The following MMAB variants were observed in gnomAD, a reference collection of about 807,000 sequenced individuals.
MMAB encodes the protein metabolism of cobalamin associated B.
MMAB carries 17 observed loss-of-function variants against 30.6 expected under a neutral mutation model. The ratio of observed to expected loss-of-function variants is 0.56; its 90% CI spans 0.38 to 0.83. The LOEUF is 0.83. Ranked by LOEUF, MMAB falls within the 40% of genes least tolerant of loss-of-function variation. The pLI, the probability that MMAB is intolerant of heterozygous loss-of-function variation, is 0.00. For missense variants in MMAB, 311 were observed against 331.6 expected (o/e 0.94, Z 0.48); for synonymous variants, 134 against 138.6 (o/e 0.97, Z 0.23).
chr12:109,564,346 A>G (rs945388806), intron 4 of MMAB, among the ~76,000 whole-genome samples: 2 of 145,972 alleles, frequency 1.4e-5, no homozygotes, highest in Non-Finnish European at 3.0e-5. Context: ...AAGGAAGATT[A>G]TATGTCTCCA....
At chr12:109,572,627 C>T (rs1253424304) in intron 1 of MMAB, among the ~76,000 whole-genome samples, 1 of 151,906 alleles carries the variant, frequency 6.6e-6, no homozygotes, top group Non-Finnish European at 1.5e-5. Context: ...ATGATCATAG[C>T]TCACTGCAGC....
rs746823302 is a variant in MMAB, at chr12:109,555,275, GTTTTTTTTTTTT to G, written c.*1741_*1752del. 565 of 343,226 alleles carry G rather than the reference GTTTTTTTTTTTT, an allele frequency of 1.6e-3. 7 individuals carry two copies. The highest frequency in any genetic ancestry group is 0.011 in the African/African-American group (303 of 26,886). 21.3% of individuals were successfully genotyped at this position (343,226 alleles called of 1,614,324 possible). On this transcript the variant is annotated 3_prime_UTR_variant, in exon 9 of 9. Coordinates refer to ENST00000545712, the MANE Select transcript of MMAB (RefSeq NM_052845.4). ...GAGCCTTAGTGATTGCGTTTTCAGG[GTTTTTTTTTTTT>G]TTTTTTTTTTTTTGTGACGGAGTCT...
At position 109,573,373 on chromosome 12, in the gene MMAB, G is replaced by T; in HGVS notation, c.108C>A (p.Gly36=). ...TGTCCCCGTCTTCCACGCCCTGAGG[G>T]CCGCGGCTCTGGAAACGGGGATACA... is the stretch of plus-strand genomic sequence containing the variant. The part of the protein sequence containing the change: ...RLLYPRFQSR[G]PQGVEDGDRP... The change falls in exon 1 of 9, where the codon GGC becomes GGA. Residue 36 remains glycine (G), a synonymous_variant. Transcript: ENST00000545712. 6.2e-7 allele frequency: 1 copy of T among 1,613,012 alleles called. No homozygotes were observed. The highest frequency in any genetic ancestry group is 8.5e-7 in the Non-Finnish European group (1 of 1,179,876).
chr12:109,561,391 GC>G lies in MMAB; in HGVS notation c.519+28del. On this transcript the variant is annotated intron_variant, in intron 6 of 8. Transcript: ENST00000545712. This position sits in a 1 kb window ranked among gnomAD's most constrained non-coding sequence, Gnocchi z 5.3. ...TCTGTCACTGAACCTGCCTGCAGCC[GC>G]CCCCGGTTAAGCCTGCCCAGTACCT... 6.5e-7 allele frequency: 1 copy of G among 1,546,592 alleles called. No homozygotes were observed.
intron 2 of MMAB, among the ~76,000 whole-genome samples, chr12:109,571,094 G>A (rs1884614055): frequency 6.6e-6 from 1 of 152,086 alleles, no homozygotes; most frequent in African/African-American, 2.4e-5. Context: ...TAACCTTTCA[G>A]ACTATTCTAC....
intron 7 of MMAB, 132 bp downstream of exon 7, chr12:109,560,908 C>T: frequency 1.1e-6 from 1 of 910,750 alleles, no homozygotes; most frequent in Non-Finnish European, 1.7e-6. Context: ...CCCTGCTGTA[C>T]CTGCCTCCTG....
rs766039550 is a variant in MMAB at position 109,557,142 on chromosome 12, G to A, written c.645-6C>T. On this transcript the variant is annotated splice_polypyrimidine_tract_variant and splice_region_variant and intron_variant, in intron 8 of 8. Coordinates refer to ENST00000545712, the MANE Select transcript of MMAB (RefSeq NM_052845.4). ...TGAAGAGATAGTCACTGAGTCTGGAGGGGCAGAGAGAGAGAAGCAAACAGA... is the reference window on the plus strand; with the variant it reads ...TGAAGAGATAGTCACTGAGTCTGGAAGGGCAGAGAGAGAGAAGCAAACAGA... 2.0e-5 allele frequency: 31 copies of A among 1,585,734 alleles called. No individual in the cohort carries two copies. Among genetic ancestry groups the A allele is most frequent in the Non-Finnish European group, 2.6e-5 (30 of 1,154,332 alleles).
chr12:109,566,315 G>A (rs761821616), intron 3 of MMAB, among the ~76,000 whole-genome samples: 10 of 152,210 alleles, frequency 6.6e-5, no homozygotes, highest in Non-Finnish European at 1.5e-4. Context: ...ATAAAGAGAA[G>A]GTGAAGAGAA....
chr12:109,564,389 T>G (rs1566134372), intron 4 of MMAB, among the ~76,000 whole-genome samples: 3 of 151,040 alleles, frequency 2.0e-5, no homozygotes, highest in Admixed American at 2.0e-4. Flanking sequence ...GTTTTTTTTT[T>G]TTTTTTTTTT....
Position 109,556,923 on chromosome 12 carries a change from C to T in MMAB, c.*105G>A. 1.3e-6 allele frequency: 1 copy of T among 762,024 alleles called. No homozygotes were observed. The highest frequency in any genetic ancestry group is 2.3e-6 in the Non-Finnish European group (1 of 429,212). 47.2% of individuals were successfully genotyped at this position (762,024 alleles called of 1,614,324 possible). A position where few individuals can be genotyped will look rare whatever the true frequency, so the allele number is the denominator to read the frequency against. Reference sequence around the variant, plus strand: ...AGCTGGGACAAAAGGCTGCTTTGAGCCTCTCTGGGTGAGCTCTTCAGGAAC... The same window carrying T: ...AGCTGGGACAAAAGGCTGCTTTGAGTCTCTCTGGGTGAGCTCTTCAGGAAC... On this transcript the variant is annotated 3_prime_UTR_variant, in exon 9 of 9. Coordinates refer to ENST00000545712, the MANE Select transcript of MMAB (RefSeq NM_052845.4).
Position 109,555,248 on chromosome 12 carries a change from C to T in MMAB, c.*1780G>A, listed in dbSNP as rs1008275207. 1.6e-5 allele frequency: 7 copies of T among 447,054 alleles called. No individual in the cohort carries two copies. Among genetic ancestry groups the T allele is most frequent in the African/African-American group, 1.3e-4 (6 of 47,148 alleles). 27.7% of individuals were successfully genotyped at this position (447,054 alleles called of 1,614,324 possible). A position where few individuals can be genotyped will look rare whatever the true frequency, so the allele number is the denominator to read the frequency against. ...CAAGCTCTTTGAACATACTCCCTGA[C>T]CGAGCCTTAGTGATTGCGTTTTCAG... On this transcript the variant is annotated 3_prime_UTR_variant, in exon 9 of 9. Coordinates refer to ENST00000545712, the MANE Select transcript of MMAB (RefSeq NM_052845.4).
chr12:109,573,339 C>T lies in MMAB; in HGVS notation c.134+8G>A. ...GTGTTCGAGTTGCCCTTCCCGCCAG[C>T]CACTCACCTGTCCCCGTCTTCCACG... is the stretch of plus-strand genomic sequence containing the variant. On this transcript the variant is annotated splice_region_variant and intron_variant, in intron 1 of 8. Transcript: ENST00000545712. 1 of 1,613,238 alleles carries T rather than the reference C, an allele frequency of 6.2e-7. No homozygotes were observed. The highest frequency in any genetic ancestry group is 8.5e-7 in the Non-Finnish European group (1 of 1,179,822).
Position 109,569,183 on chromosome 12 carries a change from G to A in MMAB, c.197-320C>T, listed in dbSNP as rs1162490517. Among the ~76,000 whole-genome samples the A allele has an allele frequency of 1.3e-5, 2 of 152,212 alleles. No homozygotes were observed. Among genetic ancestry groups the A allele is most frequent in the African/African-American group, 4.8e-5 (2 of 41,524 alleles). On this transcript the variant is annotated intron_variant, in intron 2 of 8. Coordinates refer to ENST00000545712, the MANE Select transcript of MMAB (RefSeq NM_052845.4). The surrounding 1 kb of genome is among the most constrained non-coding windows in gnomAD (Gnocchi z 4.1). ...GCTAGTCTTGAACTCCTGGTCTCAA[G>A]TGATTCACCCGCCTCAGCCTCCCAA...
At position 109,561,093 on chromosome 12, in the gene MMAB, C is replaced by G. The variant is rs1215242595; in HGVS notation, c.531G>C (p.Lys177Asn). 1 of 1,610,600 alleles carries G rather than the reference C, an allele frequency of 6.2e-7. No homozygotes were observed. The highest frequency in any genetic ancestry group is 1.3e-5 in the African/African-American group (1 of 74,884). ...GGCAGAAATGCAGCGCCGAGCTGAT[C>G]TTGCCTCCCGACTGAAAGGAGAAAG... Reference protein sequence around the residue: ...LTAFILPSGGKISSALHFCRA... With the variant: ...LTAFILPSGGNISSALHFCRA... Residue 177 changes from lysine to asparagine, a missense_variant, in exon 7 of 9, where the codon AAG (lysine) becomes AAC (asparagine). Lys to Asn is a moderately conservative substitution (Grantham distance 94, BLOSUM62 0). Coordinates refer to ENST00000545712, the MANE Select transcript of MMAB (RefSeq NM_052845.4). The surrounding 1 kb of genome is among the most constrained non-coding windows in gnomAD (Gnocchi z 5.3).
rs981525637 is a variant in MMAB, at chr12:109,558,109, C to G, written c.645-973G>C. ...TGAGTCCTCCCCTGACTCAGGCCCC[C>G]TGGGCCCCACGGCTGGCTCTCAGGA... On this transcript the variant is annotated intron_variant, in intron 8 of 8. Coordinates refer to ENST00000545712, the MANE Select transcript of MMAB (RefSeq NM_052845.4). The surrounding 1 kb of genome is among the most constrained non-coding windows in gnomAD (Gnocchi z 4.3). Among the ~76,000 whole-genome samples the G allele has an allele frequency of 2.4e-4, 36 of 152,218 alleles. No homozygotes were observed. Among genetic ancestry groups the G allele is most frequent in the African/African-American group, 7.7e-4 (32 of 41,452 alleles).
chr12:109,572,065 T>C (rs1047563699), intron 1 of MMAB, among the ~76,000 whole-genome samples: 7 of 152,304 alleles, frequency 4.6e-5, no homozygotes, highest in African/African-American at 1.7e-4. Flanking sequence ...CTGGAATCTT[T>C]CCACAACCCC....
At position 109,555,592 on chromosome 12, in the gene MMAB, C is replaced by T; in HGVS notation, c.*1436G>A. On this transcript the variant is annotated 3_prime_UTR_variant, in exon 9 of 9. Transcript: ENST00000545712. Reference sequence around the variant, plus strand: ...AGCTCTGTTTTGCAAACACTGAGCACCGACTCCGTACCAGACCTGGTAGTG... The same window carrying T: ...AGCTCTGTTTTGCAAACACTGAGCATCGACTCCGTACCAGACCTGGTAGTG... The T allele has an allele frequency of 2.2e-6, 1 of 451,742 alleles. No individual in the cohort carries two copies. Among genetic ancestry groups the T allele is most frequent in the Non-Finnish European group, 4.4e-6 (1 of 225,732 alleles). 28.0% of individuals were successfully genotyped at this position (451,742 alleles called of 1,614,324 possible).
At chr12:109,570,871 A>G (rs1884607534) in intron 2 of MMAB, among the ~76,000 whole-genome samples, 1 of 146,628 alleles carries the variant, frequency 6.8e-6, no homozygotes, top group African/African-American at 2.6e-5. Context: ...AAAACCCTGT[A>G]TCAAAAAAAA....
chr12:109,562,541 C>T (rs1470842416), intron 4 of MMAB, among the ~76,000 whole-genome samples: 1 of 152,206 alleles, frequency 6.6e-6, no homozygotes, highest in East Asian at 1.9e-4. Context: ...AGATGACACG[C>T]ATCACACACC....
Sources: allele counts gnomAD v4.1 joint callset (sites outside exome capture counted in the v4.1 genomes callset), GRCh38; gene constraint gnomAD v4.1.1; non-coding constraint Gnocchi (gnomAD v3.1); transcripts MANE v1.5; gene names NCBI Gene and HGNC (gene_info 2026-07-23, HGNC 2026-07-21).